Variants in ME3 observed in about 807,000 individuals in gnomAD.
ME3 encodes the protein malic enzyme 3.
A neutral mutation model predicts 68.9 loss-of-function variants in ME3; 48 were observed. That is an observed-to-expected ratio of 0.70 (90% CI 0.55 to 0.89). The LOEUF is 0.89. Among genes scored for constraint, ME3 ranks in the 40% least tolerant of loss-of-function variants. The pLI is 0.00. For synonymous variants in ME3, 320 were observed against 318.8 expected, an observed-to-expected ratio of 1.00 and a Z score of -0.04; for missense variants, 675 against 797.4, an observed-to-expected ratio of 0.85 and a Z score of 1.85.
intron 2 of ME3, among the ~76,000 whole-genome samples, chr11:86,654,073 A>G (rs1945676040): frequency 6.6e-6 from 1 of 152,196 alleles, no homozygotes; most frequent in Admixed American, 6.5e-5. Context: ...GAATAGACCA[A>G]TAACAGGAGC....
chr11:86,534,073 GTGTGTGTGTA>G (rs1447975990), intron 4 of ME3, among the ~76,000 whole-genome samples: 783 of 74,432 alleles, frequency 0.011, 7 homozygotes, highest in Admixed American at 0.038. Flanking sequence ...TGAGGTGTGT[GTGTGTGTGTA>G]TATATATATA....
intron 2 of ME3, among the ~76,000 whole-genome samples, chr11:86,567,663 T>A (rs796292097): frequency 6.6e-5 from 10 of 152,358 alleles, no homozygotes; most frequent in African/African-American, 2.2e-4. Flanking sequence ...GGAAAAGGGA[T>A]GACTGTTTAG....
chr11:86,445,190 AG>A (rs1327449263), intron 13 of ME3, among the ~76,000 whole-genome samples: 2 of 152,246 alleles, frequency 1.3e-5, no homozygotes, highest in Non-Finnish European at 2.9e-5. Context: ...CATAGCAATG[AG>A]AAGAAAGACA....
At chr11:86,535,267 C>T (rs1955574134) in intron 4 of ME3, among the ~76,000 whole-genome samples, 1 of 152,168 alleles carries the variant, frequency 6.6e-6, no homozygotes, top group African/African-American at 2.4e-5. Context: ...TTCATCTGTT[C>T]TTCCAGTCAG....
chr11:86,508,130 C>T (rs574884185), intron 5 of ME3, among the ~76,000 whole-genome samples: 1 of 152,216 alleles, frequency 6.6e-6, no homozygotes, highest in Non-Finnish European at 1.5e-5. Context: ...CCCTCATCCC[C>T]ACCCCCACAC....
rs565540574 is a variant in ME3, at chr11:86,499,022, G to C, written c.544-898C>G. Among the ~76,000 whole-genome samples, 4 of 152,136 alleles carry C rather than the reference G, an allele frequency of 2.6e-5. No homozygotes were observed. In the South Asian group the frequency reaches 8.3e-4, roughly 31 times the overall value. ...AATCATGATTCTGGGAGGGAAGCTG[G>C]ACTGCAGCAGAATAGCATAAAGGGT... On this transcript the variant is annotated intron_variant, in intron 5 of 14. Transcript: ENST00000543262.
At chr11:86,663,963 TG>T (rs753491059) in intron 2 of ME3, among the ~76,000 whole-genome samples, 5 of 152,264 alleles carry the variant, frequency 3.3e-5, no homozygotes, top group Non-Finnish European at 5.9e-5. Flanking sequence ...TAGATATTGC[TG>T]TTTACAACTG....
chr11:86,603,293 T>G (rs1431635102), intron 2 of ME3, among the ~76,000 whole-genome samples: 3 of 151,980 alleles, frequency 2.0e-5, no homozygotes, highest in Admixed American at 1.3e-4. Context: ...GCAAAGGATA[T>G]GAACAGACAC....
rs566646996 is a variant in ME3 at position 86,527,892 on chromosome 11, T to G, written c.468-19025A>C. ...GAAAGGAACAACCAGTACTAGCCAC[T>G]GCACAAACACACAAAAATGTAGAGA... On this transcript the variant is annotated intron_variant, in intron 4 of 14. Transcript: ENST00000543262. 9.8e-5 allele frequency among the ~76,000 whole-genome samples: 15 copies of G among 152,312 alleles called. No individual in the cohort carries two copies. The South Asian group carries it at 3.1e-3, about 32-fold the overall frequency.
At chr11:86,480,807 C>T (rs914983903) in intron 7 of ME3, among the ~76,000 whole-genome samples, 1 of 152,182 alleles carries the variant, frequency 6.6e-6, no homozygotes, top group Admixed American at 6.5e-5. Flanking sequence ...AGTTTCCAGA[C>T]TAAAAGGAAG....
intron 7 of ME3, among the ~76,000 whole-genome samples, chr11:86,474,752 A>G (rs1019481615): frequency 2.4e-4 from 37 of 152,176 alleles, no homozygotes; most frequent in Admixed American, 1.9e-3. Context: ...AAGTCCAAGT[A>G]AATGTCCCAG....
At chr11:86,581,536 A>C (rs1288010430) in intron 2 of ME3, among the ~76,000 whole-genome samples, 1 of 152,244 alleles carries the variant, frequency 6.6e-6, no homozygotes, top group African/African-American at 2.4e-5. Context: ...ATTAATGTCA[A>C]CTATTGCATT....
chr11:86,474,792 A>T (rs1950969778), intron 7 of ME3, among the ~76,000 whole-genome samples: 2 of 152,126 alleles, frequency 1.3e-5, no homozygotes, highest in South Asian at 4.1e-4. Flanking sequence ...CCCTTTATCA[A>T]CCTTGATCAA....
At chr11:86,537,049 C>A (rs1232754391) in intron 4 of ME3, among the ~76,000 whole-genome samples, 17 of 150,216 alleles carry the variant, frequency 1.1e-4, no homozygotes, top group Admixed American at 3.3e-4. Flanking sequence ...AAAAACCAAA[C>A]ACCGCATATT....
In ME3 at chr11:86,589,782, C is replaced by T. The variant is rs117193270; in HGVS notation, c.184-29959G>A. 6.7e-3 allele frequency among the ~76,000 whole-genome samples: 1,028 copies of T among 152,322 alleles called. 4 individuals carry two copies. Among genetic ancestry groups the T allele is most frequent in the South Asian group, 0.022 (105 of 4,820 alleles). On this transcript the variant is annotated intron_variant, in intron 2 of 14. Transcript: ENST00000543262. ...CCACTATTGGAAAACGTTTCTGCATCTTATTCTGATGAAGAATGACATAAA... is the reference window on the plus strand; with the variant it reads ...CCACTATTGGAAAACGTTTCTGCATTTTATTCTGATGAAGAATGACATAAA...
rs138871212 is a variant in ME3, at chr11:86,516,351, A to ATCTC, written c.468-7488_468-7485dup. ...TCCTGAAAAGTTGTGAGTAAATAAA[A>ATCTC]TCTCTCTCTCTCTCTCTCTTTGTGT... On this transcript the variant is annotated intron_variant, in intron 4 of 14. Coordinates refer to ENST00000543262, the Ensembl canonical transcript of ME3. Among the ~76,000 whole-genome samples, 17 of 134,326 alleles carry ATCTC rather than the reference A, an allele frequency of 1.3e-4. 1 individual carries two copies. The highest frequency in any genetic ancestry group is 1.2e-3 in the East Asian group (6 of 4,826). The allele number at this position is 134,326 out of a possible 152,430, so 88.1% of individuals were successfully genotyped here. A position where few individuals can be genotyped will look rare whatever the true frequency, so the allele number is the denominator to read the frequency against.
At chr11:86,536,527 A>G (rs1403594726) in intron 4 of ME3, among the ~76,000 whole-genome samples, 2 of 133,234 alleles carry the variant, frequency 1.5e-5, no homozygotes, top group Non-Finnish European at 3.2e-5. Context: ...CAAAAAACAC[A>G]TGAAAAAATG....
rs1319023598 is a variant in ME3 at position 86,603,519 on chromosome 11, C to T, written c.184-43696G>A. Among the ~76,000 whole-genome samples the T allele has an allele frequency of 9.9e-5, 15 of 152,254 alleles. No homozygotes were observed. In the South Asian group the frequency reaches 1.2e-3, roughly 13 times the overall value. On this transcript the variant is annotated intron_variant, in intron 2 of 14. Coordinates refer to ENST00000543262, the Ensembl canonical transcript of ME3. ...GTGGGACTGTAAACTAGTTCAACCCCTGTGGAAGACAGTGTGGCGATTCCT... is the reference window on the plus strand; with the variant it reads ...GTGGGACTGTAAACTAGTTCAACCCTTGTGGAAGACAGTGTGGCGATTCCT...
chr11:86,666,073 G>A (rs1203506358), intron 2 of ME3, among the ~76,000 whole-genome samples: 1 of 152,170 alleles, frequency 6.6e-6, no homozygotes, highest in Non-Finnish European at 1.5e-5. Flanking sequence ...ACATTTTGTG[G>A]TAGTATCTTC....
Sources: gnomAD v4.1 joint callset for allele counts (sites outside exome capture counted in the v4.1 genomes callset) on GRCh38, gnomAD v4.1.1 for gene constraint, MANE v1.5 for transcripts, NCBI Gene and HGNC (gene_info 2026-07-23, HGNC 2026-07-21) for gene names.